Variants in MGAT5 observed in about 807,000 individuals in gnomAD.
MGAT5 encodes alpha-1,6-mannosylglycoprotein 6-beta-N-acetylglucosaminyltransferase A.
A neutral mutation model predicts 94.3 loss-of-function variants in MGAT5; 30 were observed. That is an observed-to-expected ratio of 0.32 (90% CI 0.24 to 0.43). MGAT5 has a LOEUF of 0.43. Ranked by LOEUF, MGAT5 falls within the 20% of genes least tolerant of loss-of-function variation. The pLI, the probability that MGAT5 is intolerant of heterozygous loss-of-function variation, is 1.00. For missense variants in MGAT5, 691 were observed against 905.5 expected (o/e 0.76, Z 3.04); for synonymous variants, 310 against 322.9 (o/e 0.96, Z 0.43).
At chr2:134,294,404 G>A (rs1685549889) in intron 2 of MGAT5, among the ~76,000 whole-genome samples, 1 of 152,138 alleles carries the variant, frequency 6.6e-6, no homozygotes, top group Non-Finnish European at 1.5e-5. Context: ...AGTATTCGGG[G>A]TATGATGTTC....
intron 8 of MGAT5, among the ~76,000 whole-genome samples, chr2:134,349,596 T>C (rs1185961503): frequency 6.6e-6 from 1 of 152,242 alleles, no homozygotes; most frequent in African/African-American, 2.4e-5. Context: ...GCAAATCGTA[T>C]CTGCTGTGTG....
At chr2:134,238,981 C>A (rs1199674067) in intron 1 of MGAT5, among the ~76,000 whole-genome samples, 1 of 152,090 alleles carries the variant, frequency 6.6e-6, no homozygotes, top group Non-Finnish European at 1.5e-5. Context: ...AAATATTGCC[C>A]TAAACGTGTT....
chr2:134,294,382 C>CA (rs1685548381), intron 2 of MGAT5, among the ~76,000 whole-genome samples: 1 of 152,214 alleles, frequency 6.6e-6, no homozygotes, highest in East Asian at 1.9e-4. Flanking sequence ...GCCTCACAAA[C>CA]CACTAAGACT....
rs139320544 is a variant in MGAT5, at chr2:134,333,565, C to T, written c.574-2652C>T. Reference sequence around the variant, plus strand: ...TAACCTGCACATTGTGCACATGTACCCTAAAACTTAAAGTATAATAATAAT... The same window carrying T: ...TAACCTGCACATTGTGCACATGTACTCTAAAACTTAAAGTATAATAATAAT... On this transcript the variant is annotated intron_variant, in intron 4 of 15. Transcript: ENST00000281923. Among the ~76,000 whole-genome samples the T allele has an allele frequency of 5.0e-3, 753 of 151,560 alleles. 11 individuals are homozygous for T. The highest frequency in any genetic ancestry group is 0.017 in the African/African-American group (722 of 41,258).
intron 1 of MGAT5, among the ~76,000 whole-genome samples, chr2:134,262,902 A>G (rs1415821346): frequency 4.6e-5 from 7 of 152,314 alleles, no homozygotes; most frequent in African/African-American, 1.7e-4. Flanking sequence ...TCTGTTTCAG[A>G]AGAGGTCAGG....
intron 14 of MGAT5, among the ~76,000 whole-genome samples, chr2:134,429,501 G>T (rs1684769903): frequency 6.6e-6 from 1 of 152,186 alleles, no homozygotes; most frequent in Non-Finnish European, 1.5e-5. Context: ...GCCTCTCTAT[G>T]CCTTAGTTTC....
intron 6 of MGAT5, among the ~76,000 whole-genome samples, chr2:134,338,659 CTT>C (rs3838498): frequency 0.62 from 94,375 of 151,754 alleles, 30,707 homozygotes; most frequent in Admixed American, 0.72. Flanking sequence ...GCCTGTAAGA[CTT>C]TTCCTTTGAA....
intron 1 of MGAT5, among the ~76,000 whole-genome samples, chr2:134,173,949 TC>T (rs1474830281): frequency 1.3e-5 from 2 of 152,206 alleles, no homozygotes. Context: ...CTCACTGTTC[TC>T]CCCCACCCAG....
At chr2:134,167,913 G>A (rs1383338161) in intron 1 of MGAT5, among the ~76,000 whole-genome samples, 1 of 152,064 alleles carries the variant, frequency 6.6e-6, no homozygotes, top group Non-Finnish European at 1.5e-5. Context: ...GCTGTACCTG[G>A]GGACCATTTG....
intron 7 of MGAT5, among the ~76,000 whole-genome samples, chr2:134,342,944 G>A (rs142674551): frequency 3.9e-5 from 6 of 152,142 alleles, no homozygotes; most frequent in African/African-American, 9.7e-5. Context: ...TGAGGTGTAC[G>A]TGGATGCTAG....
At chr2:134,301,125 AT>A (rs1685990810) in intron 2 of MGAT5, among the ~76,000 whole-genome samples, 1 of 152,094 alleles carries the variant, frequency 6.6e-6, no homozygotes, top group Non-Finnish European at 1.5e-5. Flanking sequence ...CAGTATGAAC[AT>A]TTTTGCAGAG....
chr2:134,199,873 G>T (rs116695604), intron 1 of MGAT5, among the ~76,000 whole-genome samples: 416 of 152,174 alleles, frequency 2.7e-3, no homozygotes, highest in African/African-American at 9.2e-3. Flanking sequence ...GATACTGATT[G>T]GTGCTCTGTA....
At position 134,362,321 on chromosome 2, in the gene MGAT5, C is replaced by T; in HGVS notation, c.1293C>T (p.His431=). The change falls in exon 10 of 16, where the codon CAC becomes CAT. Residue 431 remains histidine (H), a synonymous_variant. Coordinates refer to ENST00000281923, the MANE Select transcript of MGAT5 (RefSeq NM_002410.5). ...TTCTGGGGTTTGTGGTTGAGCAGCA[C>T]CTGAACTCCAGTGATATCCACCACA... The part of the protein sequence containing the change: ...NSFLGFVVEQ[H]LNSSDIHHIN... 1 of 1,614,056 alleles carries T rather than the reference C, an allele frequency of 6.2e-7. No individual in the cohort carries two copies.
At chr2:134,174,898 T>A (rs1441619780) in intron 1 of MGAT5, among the ~76,000 whole-genome samples, 1 of 152,230 alleles carries the variant, frequency 6.6e-6, no homozygotes, top group Non-Finnish European at 1.5e-5. Context: ...GTGCTTTGCC[T>A]GTGATGCATG....
chr2:134,355,678 A>C (rs1415891581), intron 9 of MGAT5, among the ~76,000 whole-genome samples: 1 of 152,228 alleles, frequency 6.6e-6, no homozygotes, highest in Non-Finnish European at 1.5e-5. Flanking sequence ...TACCATTTAG[A>C]AGAGAAAGCT....
intron 1 of MGAT5, among the ~76,000 whole-genome samples, chr2:134,158,363 A>C (rs1687576831): frequency 6.6e-6 from 1 of 152,054 alleles, no homozygotes; most frequent in Admixed American, 6.5e-5. Context: ...TCCTGTGTTC[A>C]TTGGTGCCCA....
At chr2:134,429,282 T>C (rs917192593) in intron 14 of MGAT5, among the ~76,000 whole-genome samples, 1 of 152,226 alleles carries the variant, frequency 6.6e-6, no homozygotes, top group Non-Finnish European at 1.5e-5. Context: ...GAAGAGTTGA[T>C]GGTTTGAGGA....
intron 1 of MGAT5, among the ~76,000 whole-genome samples, chr2:134,263,109 AAGAAGGTGC>A (rs1235011669): frequency 6.6e-6 from 1 of 152,188 alleles, no homozygotes; most frequent in Non-Finnish European, 1.5e-5. Context: ...CACCCTTTCC[AAGAAGGTGC>A]GGGCCCTGGC....
At chr2:134,289,091 G>A (rs771685229) in intron 2 of MGAT5, among the ~76,000 whole-genome samples, 7 of 151,910 alleles carry the variant, frequency 4.6e-5, no homozygotes, top group East Asian at 1.9e-4. Context: ...GCTTCTCTAC[G>A]TCCCCCTGTG....
Sources: gnomAD v4.1 joint callset for allele counts (sites outside exome capture counted in the v4.1 genomes callset) on GRCh38, gnomAD v4.1.1 for gene constraint, MANE v1.5 for transcripts, NCBI Gene and HGNC (gene_info 2026-07-23, HGNC 2026-07-21) for gene names.